Variants in RABGEF1 observed in about 807,000 individuals in gnomAD.
RABGEF1 encodes RAB guanine nucleotide exchange factor 1.
In RABGEF1, 26 loss-of-function variants were observed where a neutral mutation model predicts 57.3. The ratio of observed to expected loss-of-function variants is 0.45; its 90% CI spans 0.33 to 0.63. The LOEUF is 0.63. Among genes scored for constraint, RABGEF1 ranks in the 20% least tolerant of loss-of-function variants. The pLI is 0.02. For synonymous variants in RABGEF1, 185 were observed against 210.7 expected, an observed-to-expected ratio of 0.88 and a Z score of 1.06; for missense variants, 464 against 607.6, an observed-to-expected ratio of 0.76 and a Z score of 2.48.
chr7:66,773,017 A>G (rs1665463390), intron 2 of RABGEF1, among the ~76,000 whole-genome samples: 1 of 152,018 alleles, frequency 6.6e-6, no homozygotes, highest in Non-Finnish European at 1.5e-5. Context: ...GCATTCTAGA[A>G]TTCTAAAACT....
upstream of RABGEF1, chr7:66,740,704 G>C (rs1490827118): frequency 6.6e-6 from 1 of 152,488 alleles, no homozygotes; most frequent in Non-Finnish European, 1.5e-5. Flanking sequence ...AGGAGGGTGG[G>C]TGTGAGGCGG....
the RABGEF1 span, among the ~76,000 whole-genome samples, chr7:66,673,926 TTTTTA>T: frequency 6.6e-6 from 1 of 152,150 alleles, no homozygotes; most frequent in Non-Finnish European, 1.5e-5. Flanking sequence ...AAGGACTGAA[TTTTTA>T]TTTTAAGAAA....
At chr7:66,706,283 T>C (rs1794078943) in intron 1 of RABGEF1, among the ~76,000 whole-genome samples, 1 of 152,206 alleles carries the variant, frequency 6.6e-6, no homozygotes, top group Admixed American at 6.5e-5. Flanking sequence ...ATGAACATTT[T>C]TATACATGTC....
intron 1 of RABGEF1, among the ~76,000 whole-genome samples, chr7:66,711,271 G>A (rs906446918): frequency 3.9e-5 from 6 of 152,158 alleles, no homozygotes; most frequent in African/African-American, 1.4e-4. Flanking sequence ...TTTGCAAATT[G>A]TGGTTTTGAT....
rs953039367 is a variant in RABGEF1, at chr7:66,740,743, G to C, written c.-67G>C. On this transcript the variant is annotated 5_prime_UTR_variant, in exon 1 of 9. Transcript: ENST00000284957. ...CTGGCCGCGGAGCCCAGACCTACCC[G>C]GGCGAAGCGGGCGAGCGGTGGTTTG... The C allele has an allele frequency of 1.3e-5, 2 of 152,744 alleles. No homozygotes were observed. Among genetic ancestry groups the C allele is most frequent in the African/African-American group, 2.4e-5 (1 of 41,468 alleles). The allele number at this position is 152,744 out of a possible 1,614,324, so 9.5% of individuals were successfully genotyped here.
chr7:66,805,512 T>A (rs543088695), intron 8 of RABGEF1, 116 bp downstream of exon 8: 2 of 1,460,496 alleles, frequency 1.4e-6, no homozygotes, highest in Non-Finnish European at 1.9e-6. Flanking sequence ...GAAGGCAGCA[T>A]GGCTGAGGAA....
chr7:66,729,687 A>G (rs1315295609), intron 2 of RABGEF1, among the ~76,000 whole-genome samples: 1 of 152,102 alleles, frequency 6.6e-6, no homozygotes, highest in Non-Finnish European at 1.5e-5. Flanking sequence ...TCACCCATCC[A>G]GTCTCCAGGT....
intron 1 of RABGEF1, among the ~76,000 whole-genome samples, chr7:66,758,133 C>T (rs1288811218): frequency 6.6e-6 from 1 of 152,146 alleles, no homozygotes; most frequent in Non-Finnish European, 1.5e-5. Flanking sequence ...CCTCTGAGGG[C>T]ATGACATTGA....
chr7:66,693,739 G>A (rs1219655378), intron 1 of RABGEF1, among the ~76,000 whole-genome samples: 1 of 152,114 alleles, frequency 6.6e-6, no homozygotes, highest in East Asian at 1.9e-4. Flanking sequence ...AGAGGACTAC[G>A]ACCCTCAGGG....
chr7:66,670,772 G>A, the RABGEF1 span, among the ~76,000 whole-genome samples: 1 of 151,954 alleles, frequency 6.6e-6, no homozygotes, highest in Non-Finnish European at 1.5e-5. Context: ...CTTGAACCCG[G>A]GAAGCAGAGG....
At chr7:66,774,506 G>A (rs913728581) in intron 2 of RABGEF1, among the ~76,000 whole-genome samples, 1 of 152,200 alleles carries the variant, frequency 6.6e-6, no homozygotes, top group Non-Finnish European at 1.5e-5. Flanking sequence ...CACACGCCCA[G>A]TGCTCTGGCT....
chr7:66,756,351 G>A (rs1284448226), intron 1 of RABGEF1, among the ~76,000 whole-genome samples: 1 of 152,128 alleles, frequency 6.6e-6, no homozygotes, highest in African/African-American at 2.4e-5. Context: ...AAATGGTATA[G>A]CCTTTTTGTC....
At chr7:66,761,944 G>T (rs1293254096) in intron 1 of RABGEF1, among the ~76,000 whole-genome samples, 1 of 151,968 alleles carries the variant, frequency 6.6e-6, no homozygotes, top group Non-Finnish European at 1.5e-5. Flanking sequence ...CCAGTTACTT[G>T]GGAAGCCGAG....
At chr7:66,753,882 T>A (rs893785630) in intron 1 of RABGEF1, among the ~76,000 whole-genome samples, 1 of 151,378 alleles carries the variant, frequency 6.6e-6, no homozygotes, top group Admixed American at 6.6e-5. Flanking sequence ...AATTTTTGTA[T>A]TTTTAGTAGA....
At chr7:66,747,878 T>C (rs533650883) in intron 1 of RABGEF1, among the ~76,000 whole-genome samples, 1 of 152,252 alleles carries the variant, frequency 6.6e-6, no homozygotes, top group East Asian at 1.9e-4. Context: ...TGTAATGACT[T>C]ACAAAGATAC....
In RABGEF1 at chr7:66,790,896, C is replaced by G. The variant is rs578196402; in HGVS notation, c.514-4615C>G. Among the ~76,000 whole-genome samples the G allele has an allele frequency of 5.9e-5, 9 of 152,326 alleles. No individual in the cohort carries two copies. In the East Asian group the frequency reaches 1.5e-3, roughly 26 times the overall value. ...ATGAATCACGCTGTATCTGCTCAGA[C>G]TCTAGTGACATCAAAGTATTTTAAA... is the stretch of plus-strand genomic sequence containing the variant. On this transcript the variant is annotated intron_variant, in intron 4 of 8. Coordinates refer to ENST00000284957, the MANE Select transcript of RABGEF1 (RefSeq NM_014504.3).
intron 2 of RABGEF1, among the ~76,000 whole-genome samples, chr7:66,734,891 C>T (rs894496784): frequency 2.0e-5 from 3 of 152,238 alleles, no homozygotes; most frequent in Non-Finnish European, 2.9e-5. Flanking sequence ...GGGACCCCCT[C>T]GCCACCCCAC....
chr7:66,752,946 A>C (rs1280006941), intron 1 of RABGEF1, among the ~76,000 whole-genome samples: 4 of 152,206 alleles, frequency 2.6e-5, no homozygotes, highest in Non-Finnish European at 4.4e-5. Context: ...TTGTTTGAGA[A>C]ACCTAGAAAA....
chr7:66,659,878 C>T, the RABGEF1 span, among the ~76,000 whole-genome samples: 1 of 151,742 alleles, frequency 6.6e-6, no homozygotes, highest in South Asian at 2.1e-4. Context: ...GAACTAAACC[C>T]AAGCTAGCAG....
Sources: allele counts gnomAD v4.1 joint callset (sites outside exome capture counted in the v4.1 genomes callset), GRCh38; gene constraint gnomAD v4.1.1; transcripts MANE v1.5; gene names NCBI Gene and HGNC (gene_info 2026-07-23, HGNC 2026-07-21).